AP3M1: variants seen among roughly 807,000 people sequenced by gnomAD.
The protein encoded by AP3M1 is adaptor related protein complex 3 subunit mu 1.
Under a neutral mutation model 42.6 loss-of-function variants are expected in AP3M1, and 29 were observed. That is an observed-to-expected ratio of 0.68 (90% CI 0.51 to 0.93). The LOEUF (loss-of-function observed/expected upper bound fraction) is 0.93. Ranked by LOEUF, AP3M1 falls within the 40% of genes least tolerant of loss-of-function variation. AP3M1 has a pLI of 0.00. For missense variants in AP3M1, 416 were observed against 510.2 expected, an observed-to-expected ratio of 0.82 and a Z score of 1.78; for synonymous variants, 178 against 175.3, an observed-to-expected ratio of 1.02 and a Z score of -0.12.
At chr10:74,137,339 A>G (rs1428012187) in intron 2 of AP3M1, among the ~76,000 whole-genome samples, 1 of 152,240 alleles carries the variant, frequency 6.6e-6, no homozygotes, top group Non-Finnish European at 1.5e-5. Context: ...TTCTAGGTTG[A>G]ATTTAATTCC....
At chr10:74,124,658 T>C (rs1840563928) in intron 7 of AP3M1, 134 bp from the exon 8 acceptor site, 3 of 686,732 alleles carry the variant, frequency 4.4e-6, no homozygotes, top group Non-Finnish European at 7.0e-6. Flanking sequence ...ATCTGGCATC[T>C]ACAGTGAGTT....
At chr10:74,144,909 G>A (rs1347121669) in intron 1 of AP3M1, among the ~76,000 whole-genome samples, 6 of 152,034 alleles carry the variant, frequency 3.9e-5, no homozygotes, top group Non-Finnish European at 5.9e-5. Context: ...TGATCCGCCC[G>A]CCTCAGCCTC....
At chr10:74,126,970 C>CAAAAAAAAAAA (rs58110411) in intron 6 of AP3M1, among the ~76,000 whole-genome samples, 1 of 32,354 alleles carries the variant, frequency 3.1e-5, no homozygotes, top group Admixed American at 6.3e-4. Flanking sequence ...GACGCCATCT[C>CAAAAAAAAAAA]AAAAAAAAAA....
rs1840452093 is a variant in AP3M1, at chr10:74,121,352, T to G, written c.*2458A>C. 6.6e-6 allele frequency: 1 copy of G among 152,238 alleles called. No homozygotes were observed. Among genetic ancestry groups the G allele is most frequent in the Non-Finnish European group, 1.5e-5 (1 of 68,046 alleles). The allele number at this position is 152,238 out of a possible 1,614,324, so 9.4% of individuals were successfully genotyped here. On this transcript the variant is annotated 3_prime_UTR_variant, in exon 9 of 9. Coordinates refer to ENST00000355264, the MANE Select transcript of AP3M1 (RefSeq NM_012095.6). ...CAGGAACTCCCTTTGAATAAAATGA[T>G]GGTGACTCCCACACGCAGGAAAGAA...
chr10:74,138,316 T>C lies in AP3M1; in HGVS notation c.64A>G (p.Ser22Gly). The C allele has an allele frequency of 6.2e-7, 1 of 1,614,160 alleles. No individual in the cohort carries two copies. ...GDIFLEKHWK[S>G]VVSQSVCDYF... ...TCACAGACAGACTGGCTCACAACGC[T>C]CTTCCAGTGCTTCTCTAGAAATATG... The change falls in exon 2 of 9, where the codon AGC becomes GGC. Residue 22 changes from serine to glycine, a missense_variant. Transcript: ENST00000355264.
At chr10:74,150,206 G>A (rs1307121134) in intron 1 of AP3M1, 1 of 152,136 alleles carries the variant, frequency 6.6e-6, no homozygotes, top group Non-Finnish European at 1.5e-5. Context: ...CCTGTCACTG[G>A]CACCATCTTC....
At chr10:74,128,588 T>C (rs1840686751) in intron 6 of AP3M1, among the ~76,000 whole-genome samples, 1 of 152,030 alleles carries the variant, frequency 6.6e-6, no homozygotes, top group African/African-American at 2.4e-5. Context: ...AAGACGTACT[T>C]GAAGCAGGTA....
chr10:74,148,410 T>A (rs1841400860), intron 1 of AP3M1, among the ~76,000 whole-genome samples: 1 of 152,218 alleles, frequency 6.6e-6, no homozygotes, highest in South Asian at 2.1e-4. Flanking sequence ...CTTCTCTGTG[T>A]AATGGGAGAG....
chr10:74,126,294 C>T lies in AP3M1; in HGVS notation c.865G>A (p.Gly289Ser), dbSNP rs760474868. The T allele has an allele frequency of 3.1e-6, 5 of 1,614,096 alleles. No individual in the cohort carries two copies. Among genetic ancestry groups the T allele is most frequent in the Non-Finnish European group, 3.4e-6 (4 of 1,180,034 alleles). ...GGTCCAATTGTTATATCAAATCTGC[C>T]GCAAGAACTGTTCTCCTTAAAGCTG... ...SISFKENSSC[G>S]RFDITIGPKQ... The change falls in exon 7 of 9, where the codon GGC (glycine) becomes AGC (serine). Residue 289 changes from glycine (G) to serine (S), a missense_variant. Physicochemically the swap from Gly to Ser is moderately conservative, Grantham distance 56. Transcript: ENST00000355264.
intron 1 of AP3M1, among the ~76,000 whole-genome samples, chr10:74,139,232 A>G (rs774087486): frequency 6.6e-6 from 1 of 152,122 alleles, no homozygotes; most frequent in Non-Finnish European, 1.5e-5. Context: ...AAAAAAACCT[A>G]TTAGAGCTAA....
intron 1 of AP3M1, among the ~76,000 whole-genome samples, chr10:74,146,110 C>T (rs1481105307): frequency 2.0e-5 from 3 of 152,020 alleles, no homozygotes; most frequent in Non-Finnish European, 2.9e-5. Flanking sequence ...GTAATTCCTA[C>T]GATGATACAG....
intron 4 of AP3M1, among the ~76,000 whole-genome samples, chr10:74,130,308 A>T (rs187990903): frequency 1.3e-5 from 2 of 152,216 alleles, no homozygotes; most frequent in Non-Finnish European, 2.9e-5. Flanking sequence ...ATCTCTATTA[A>T]CAGGTCAGGG....
intron 8 of AP3M1, 29 bp from the exon 9 acceptor site, chr10:74,123,939 AT>A (rs1564541457): frequency 4.5e-6 from 7 of 1,568,140 alleles, no homozygotes; most frequent in Non-Finnish European, 6.1e-6. Context: ...AAAAGAATAA[AT>A]TATCATCATC....
chr10:74,141,892 T>G (rs2131993143), intron 1 of AP3M1, among the ~76,000 whole-genome samples: 1 of 151,432 alleles, frequency 6.6e-6, no homozygotes, highest in Middle Eastern at 3.4e-3. Flanking sequence ...TTTTTTTTTT[T>G]TTGTATTTTT....
chr10:74,136,838 A>C (rs770314488), intron 2 of AP3M1, 35 bp from the exon 3 acceptor site: 1 of 1,432,878 alleles, frequency 7.0e-7, no homozygotes, highest in Non-Finnish European at 9.3e-7. Context: ...ACACAATGGA[A>C]GGCAAAAAGA....
At chr10:74,141,967 T>G (rs1253908335) in intron 1 of AP3M1, among the ~76,000 whole-genome samples, 1 of 151,768 alleles carries the variant, frequency 6.6e-6, no homozygotes. Flanking sequence ...GTGATCCGCC[T>G]GCCTCAGCCT....
At chr10:74,134,401 T>C (rs182488263) in intron 3 of AP3M1, among the ~76,000 whole-genome samples, 103 of 152,354 alleles carry the variant, frequency 6.8e-4, no homozygotes, top group African/African-American at 2.4e-3. Context: ...TTTACTTATC[T>C]TTTGCCTCCT....
chr10:74,134,585 C>T (rs1840886591), intron 3 of AP3M1, among the ~76,000 whole-genome samples: 1 of 152,182 alleles, frequency 6.6e-6, no homozygotes, highest in Non-Finnish European at 1.5e-5. Flanking sequence ...TGAGATGCTG[C>T]CAAGCACGCC....
chr10:74,134,263 T>A (rs1840877572), intron 3 of AP3M1, 99 bp from the exon 4 acceptor site: 1 of 1,312,394 alleles, frequency 7.6e-7, no homozygotes, highest in Admixed American at 2.5e-5. Context: ...ATGTTTGGAT[T>A]TTTCTTAATG....
Sources: gnomAD v4.1 joint callset for allele counts (sites outside exome capture counted in the v4.1 genomes callset) on GRCh38, gnomAD v4.1.1 for gene constraint, MANE v1.5 for transcripts, NCBI Gene and HGNC (gene_info 2026-07-23, HGNC 2026-07-21) for gene names.